The following TMBIM6 variants were observed in gnomAD, a reference collection of about 807,000 sequenced individuals.
The protein encoded by TMBIM6 is bax inhibitor 1.
In TMBIM6, 13 loss-of-function variants were observed where a neutral mutation model predicts 31.4. The observed-to-expected ratio is 0.41, with a 90% CI of 0.27 to 0.66. TMBIM6 has a LOEUF of 0.66. TMBIM6 is among the 30% of genes least tolerant of loss of function. The pLI is 0.28. For synonymous variants in TMBIM6, 85 were observed against 101.7 expected (o/e 0.84, Z 0.99); for missense variants, 275 against 289.5 (o/e 0.95, Z 0.36).
rs1048503683 is a variant in TMBIM6 at position 49,763,199 on chromosome 12, C to T, written c.*303C>T. 12 of 292,666 alleles carry T rather than the reference C, an allele frequency of 4.1e-5. No homozygotes were observed. The highest frequency in any genetic ancestry group is 7.9e-5 in the Non-Finnish European group (12 of 152,376). 18.1% of individuals were successfully genotyped at this position (292,666 alleles called of 1,614,324 possible). On this transcript the variant is annotated 3_prime_UTR_variant, in exon 10 of 10. Transcript: ENST00000267115. The stretch of plus-strand genomic sequence containing the variant: ...GAGAAGTGGGACCAGCAGAGGGCGC[C>T]AACTTCAGGAGTCCGCTTTCCCACC...
intron 4 of TMBIM6, among the ~76,000 whole-genome samples, chr12:49,757,471 T>G (rs1945626388): frequency 6.6e-6 from 1 of 152,222 alleles, no homozygotes; most frequent in Non-Finnish European, 1.5e-5. Flanking sequence ...TGCAGGACAC[T>G]TTGCTGATTC....
In TMBIM6 at chr12:49,758,470, C is replaced by G. The variant is rs745611443; in HGVS notation, c.423C>G (p.Leu141=). 8.1e-6 allele frequency: 13 copies of G among 1,614,206 alleles called. No homozygotes were observed. The South Asian group carries it at 1.3e-4, about 16-fold the overall frequency. ...TCTATGCCAGGCGCCGTAGCTACCT[C>G]TTTCTGGGAGGTAAGTGTGAACTGG... ...SALYARRRSY[L]FLGGILMSAL... Residue 141 remains leucine, a synonymous_variant, in exon 6 of 10, where the codon CTC becomes CTG. Transcript: ENST00000267115.
chr12:49,742,063 G>C, intron 1 of TMBIM6: 1 of 1,555,406 alleles, frequency 6.4e-7, no homozygotes, highest in Non-Finnish European at 8.7e-7. Context: ...GGCTGCGGGC[G>C]GGTCCTTTGG....
intron 8 of TMBIM6, 66 bp from the exon 9 acceptor site, chr12:49,761,638 C>A: frequency 1.3e-6 from 2 of 1,499,602 alleles, no homozygotes; most frequent in Non-Finnish European, 1.8e-6. Flanking sequence ...TTATATTCTG[C>A]ATCTTTGTGG....
intron 1 of TMBIM6, among the ~76,000 whole-genome samples, chr12:49,748,818 G>A (rs1430108805): frequency 6.6e-6 from 1 of 152,142 alleles, no homozygotes; most frequent in Non-Finnish European, 1.5e-5. Flanking sequence ...AAGGACTGCT[G>A]TATTGAATTT....
In TMBIM6 at chr12:49,764,378, G is replaced by A. The variant is rs1375662515; in HGVS notation, c.*1482G>A. On this transcript the variant is annotated 3_prime_UTR_variant, in exon 10 of 10. Transcript: ENST00000267115. ...GCACAGTTTGACACAGTGGCCTCAG[G>A]TTCACAGTGCACCATGTCACTGTGC... 6.6e-6 allele frequency: 1 copy of A among 152,112 alleles called. No individual in the cohort carries two copies. The highest frequency in any genetic ancestry group is 1.5e-5 in the Non-Finnish European group (1 of 68,016). The allele number at this position is 152,112 out of a possible 1,614,324, so 9.4% of individuals were successfully genotyped here.
Position 49,761,753 on chromosome 12 carries a change from A to C in TMBIM6, c.664A>C (p.Met222Leu), listed in dbSNP as rs1945723918. The change falls in exon 9 of 10, where the codon ATG (methionine) becomes CTG (leucine). Residue 222 changes from methionine to leucine, a missense_variant. Physicochemically the swap from Met to Leu is conservative, Grantham distance 15. Coordinates refer to ENST00000267115, the MANE Select transcript of TMBIM6 (RefSeq NM_003217.3). Reference sequence around the variant, plus strand: ...TTTCATTACTGTCTTCAGAAAACTCATGATGATCCTGGCCATGAATGAAAA... The same window carrying C: ...TTTCATTACTGTCTTCAGAAAACTCCTGATGATCCTGGCCATGAATGAAAA... ...LDFITVFRKL[M>L]MILAMNEKDK... 1 of 1,614,140 alleles carries C rather than the reference A, an allele frequency of 6.2e-7. No individual in the cohort carries two copies.
At chr12:49,743,927 G>C (rs1945344862) in intron 1 of TMBIM6, among the ~76,000 whole-genome samples, 1 of 152,068 alleles carries the variant, frequency 6.6e-6, no homozygotes. Flanking sequence ...TTTTCTTATT[G>C]GCATTCAGTA....
intron 2 of TMBIM6, 128 bp downstream of exon 2, chr12:49,752,677 A>G (rs947006045): frequency 1.2e-6 from 1 of 818,062 alleles, no homozygotes; most frequent in Admixed American, 2.4e-5. Context: ...AGAGGACCTG[A>G]TGAAAATGTC....
rs1945640052 is a variant in TMBIM6, at chr12:49,758,108, T to C, written c.287-119T>C. 4 of 1,035,622 alleles carry C rather than the reference T, an allele frequency of 3.9e-6. No homozygotes were observed. The Admixed American group carries it at 8.3e-5, about 22-fold the overall frequency. 64.2% of individuals were successfully genotyped at this position (1,035,622 alleles called of 1,614,324 possible). A position where few individuals can be genotyped will look rare whatever the true frequency, so the allele number is the denominator to read the frequency against. ...TACAGCGGAGGGGAGAGAGATTTAA[T>C]TCTTTAGTCCACGTTTGTTAAGAGC... On this transcript the variant is annotated intron_variant, in intron 4 of 9. Coordinates refer to ENST00000267115, the MANE Select transcript of TMBIM6 (RefSeq NM_003217.3).
Position 49,758,241 on chromosome 12 carries a change from C to T in TMBIM6, c.301C>T (p.Pro101Ser). The change falls in exon 5 of 10, where the codon CCT becomes TCT. Residue 101 changes from proline (P) to serine (S), a missense_variant. Pro to Ser is a moderately conservative substitution (Grantham distance 74). Transcript: ENST00000267115. ...CTGTTTTCTAGGAGTTGGCCTGGGCCCTGCCCTGGAGTTTTGTATTGCTGT... is the reference window on the plus strand; with the variant it reads ...CTGTTTTCTAGGAGTTGGCCTGGGCTCTGCCCTGGAGTTTTGTATTGCTGT... ...FAFLTGVGLGPALEFCIAVNP... is the reference protein window; with the variant it reads ...FAFLTGVGLGSALEFCIAVNP... 1 of 1,614,194 alleles carries T rather than the reference C, an allele frequency of 6.2e-7. No individual in the cohort carries two copies. Among genetic ancestry groups the T allele is most frequent in the Non-Finnish European group, 8.5e-7 (1 of 1,180,034 alleles).
intron 3 of TMBIM6, among the ~76,000 whole-genome samples, chr12:49,754,947 G>T (rs1416065790): frequency 6.6e-6 from 1 of 151,936 alleles, no homozygotes; most frequent in Non-Finnish European, 1.5e-5. Context: ...GTGTTTGGGG[G>T]TTTTGTTTGT....
At chr12:49,744,249 C>G (rs1017507337) in intron 1 of TMBIM6, among the ~76,000 whole-genome samples, 1 of 152,216 alleles carries the variant, frequency 6.6e-6, no homozygotes, top group East Asian at 1.9e-4. Flanking sequence ...GCTGGCCTGA[C>G]GAGTTTCATT....
At chr12:49,741,941 C>G in intron 1 of TMBIM6, 5 of 793,776 alleles carry the variant, frequency 6.3e-6, no homozygotes, top group East Asian at 2.9e-5. Context: ...CGCTCCTTCT[C>G]CTCTACTAAG....
chr12:49,756,647 G>A (rs1391512274), intron 4 of TMBIM6, among the ~76,000 whole-genome samples: 1 of 151,350 alleles, frequency 6.6e-6, no homozygotes, highest in African/African-American at 2.4e-5. Context: ...GGATGGTCTT[G>A]ATCTCCTGAC....
At chr12:49,756,202 C>A (rs1945589624) in intron 4 of TMBIM6, among the ~76,000 whole-genome samples, 1 of 151,968 alleles carries the variant, frequency 6.6e-6, no homozygotes, top group South Asian at 2.1e-4. Flanking sequence ...GTGGCGTGAT[C>A]TTGGCTCACT....
intron 8 of TMBIM6, among the ~76,000 whole-genome samples, chr12:49,761,061 A>T (rs1319966703): frequency 6.7e-6 from 1 of 148,406 alleles, no homozygotes; most frequent in Admixed American, 6.7e-5. Context: ...CTGGTCTCAA[A>T]CTCCTGACTC....
chr12:49,761,120 G>A (rs964899074), intron 8 of TMBIM6, among the ~76,000 whole-genome samples: 5 of 152,142 alleles, frequency 3.3e-5, no homozygotes, highest in African/African-American at 1.2e-4. Flanking sequence ...ACAGGTGTGA[G>A]CCACTGTGCT....
At chr12:49,759,414 C>A in intron 8 of TMBIM6, 93 bp downstream of exon 8, 1 of 1,079,332 alleles carries the variant, frequency 9.3e-7, no homozygotes, top group Non-Finnish European at 1.4e-6. Flanking sequence ...ACATAGGTGG[C>A]CAAGCTTTGG....
Sources: gnomAD v4.1 joint callset for allele counts (sites outside exome capture counted in the v4.1 genomes callset) on GRCh38, gnomAD v4.1.1 for gene constraint, MANE v1.5 for transcripts, NCBI Gene and HGNC (gene_info 2026-07-23, HGNC 2026-07-21) for gene names.